The following PCNT variants were observed in gnomAD, a reference collection of about 807,000 sequenced individuals.
PCNT encodes kendrin.
A neutral mutation model predicts 380.4 loss-of-function variants in PCNT; 319 were observed. That is an observed-to-expected ratio of 0.84 (90% CI 0.77 to 0.92). PCNT has a LOEUF of 0.92. Ranked by LOEUF, PCNT falls within the 40% of genes least tolerant of loss-of-function variation. The probability of loss-of-function intolerance (pLI) is 0.00; values close to 1 mark genes in which losing one functional copy is unlikely to be tolerated. For missense variants in PCNT, 4,400 were observed against 4,255.3 expected, an observed-to-expected ratio of 1.03 and a Z score of -0.95; for synonymous variants, 1,845 against 1,735.2, an observed-to-expected ratio of 1.06 and a Z score of -1.57.
At chr21:46,338,821 C>T (rs1031962809) in intron 3 of PCNT, among the ~76,000 whole-genome samples, 6 of 151,916 alleles carry the variant, frequency 3.9e-5, no homozygotes, top group African/African-American at 1.5e-4. Flanking sequence ...CTCTCACTCG[C>T]CCAGCCTAGA....
chr21:46,354,136 C>A, intron 11 of PCNT, 68 bp downstream of exon 11: 1 of 1,329,716 alleles, frequency 7.5e-7, no homozygotes. Flanking sequence ...GCGTCTTCCA[C>A]ATTATAGAGC....
At chr21:46,341,038 C>T (rs1486736525) in intron 3 of PCNT, among the ~76,000 whole-genome samples, 4 of 147,566 alleles carry the variant, frequency 2.7e-5, no homozygotes, top group Non-Finnish European at 4.5e-5. Flanking sequence ...CGTGTGCCAC[C>T]ATATCCGGCT....
At chr21:46,339,815 C>T (rs1160104067) in intron 3 of PCNT, among the ~76,000 whole-genome samples, 1 of 152,180 alleles carries the variant, frequency 6.6e-6, no homozygotes, top group Admixed American at 6.5e-5. Context: ...TGTTAACTAT[C>T]ACACCAGGTA....
intron 2 of PCNT, among the ~76,000 whole-genome samples, chr21:46,329,544 A>G (rs928840855): frequency 1.3e-5 from 2 of 152,200 alleles, no homozygotes; most frequent in East Asian, 3.8e-4. Flanking sequence ...AAAGCAATCT[A>G]TAAATAACAG....
chr21:46,392,700 T>C (rs925019754), intron 21 of PCNT, among the ~76,000 whole-genome samples: 6 of 152,356 alleles, frequency 3.9e-5, no homozygotes, highest in African/African-American at 1.4e-4. Context: ...AGGGGGCGTT[T>C]TCCAGGGTGG....
At position 46,416,227 on chromosome 21, in the gene PCNT, A is replaced by G. The variant is rs375610642; in HGVS notation, c.6309A>G (p.Ala2103=). The change falls in exon 30 of 47, where the codon GCA becomes GCG. Residue 2103 remains alanine, a synonymous_variant. Coordinates refer to ENST00000359568, the MANE Select transcript of PCNT (RefSeq NM_006031.6). ...AATCTCTGTGGCCCATGGCCTCAGC[A>G]CACCTGTTGGAGAGCAGCTGGAGTG... ...DTKSLWPMAS[A]HLLESSWSDD... The G allele has an allele frequency of 2.4e-5, 39 of 1,614,050 alleles. 1 individual carries two copies. The highest frequency in any genetic ancestry group is 3.1e-5 in the Non-Finnish European group (37 of 1,180,038).
chr21:46,346,968 G>A lies in PCNT; in HGVS notation c.946G>A (p.Glu316Lys). 6.3e-7 allele frequency: 1 copy of A among 1,596,752 alleles called. No homozygotes were observed. Among genetic ancestry groups the A allele is most frequent in the African/African-American group, 1.3e-5 (1 of 74,978 alleles). The stretch of plus-strand genomic sequence containing the variant: ...GGAGCAGCACGCACGGGAGAAGGAG[G>A]AGGTGGTGCTCAGGTGTGGACAGGA... ...LREQHAREKE[E>K]VVLRCGQEAA... Residue 316 changes from glutamate to lysine, a missense_variant, in exon 5 of 47, where the codon GAG becomes AAG. Glu to Lys is a moderately conservative substitution (Grantham distance 56). Coordinates refer to ENST00000359568, the MANE Select transcript of PCNT (RefSeq NM_006031.6).
chr21:46,344,419 G>A (rs1394873037), intron 3 of PCNT, among the ~76,000 whole-genome samples: 3 of 152,174 alleles, frequency 2.0e-5, no homozygotes, highest in Admixed American at 6.5e-5. Flanking sequence ...TCATGTGGCC[G>A]CCCACCCTGG....
At chr21:46,427,571 A>G in intron 33 of PCNT, 51 bp from the exon 34 acceptor site, 2 of 1,610,016 alleles carry the variant, frequency 1.2e-6, no homozygotes, top group East Asian at 2.2e-5. Flanking sequence ...TTAGGGCACA[A>G]GGATGCAGGT....
At chr21:46,395,985 A>G (rs181973233) in intron 21 of PCNT, among the ~76,000 whole-genome samples, 40 of 148,758 alleles carry the variant, frequency 2.7e-4, no homozygotes, top group Non-Finnish European at 5.2e-4. Flanking sequence ...CTCAGAAATA[A>G]TAGTAATAAA....
rs774154341 is a variant in PCNT, at chr21:46,416,339, G to A, written c.6421G>A (p.Val2141Ile). 20 of 1,613,678 alleles carry A rather than the reference G, an allele frequency of 1.2e-5. No homozygotes were observed. The highest frequency in any genetic ancestry group is 1.7e-5 in the Non-Finnish European group (20 of 1,179,832). The part of the protein sequence containing the change: ...ANTATGGVTD[V>I]IKNQAIDACD... Reference sequence around the variant, plus strand: ...TACAGCCACGGGGGGTGTAACTGATGTTATCAAAAATCAGGCCATAGACGC... The same window carrying A: ...TACAGCCACGGGGGGTGTAACTGATATTATCAAAAATCAGGCCATAGACGC... Residue 2141 changes from valine (V) to isoleucine (I), a missense_variant, in exon 30 of 47, where the codon GTT (valine) becomes ATT (isoleucine). Physicochemically the swap from Val to Ile is conservative, Grantham distance 29 (BLOSUM62 3). Transcript: ENST00000359568.
Position 46,399,603 on chromosome 21 carries a change from A to G in PCNT, c.4598A>G (p.Gln1533Arg), listed in dbSNP as rs2147456500. 3 of 1,612,894 alleles carry G rather than the reference A, an allele frequency of 1.9e-6. No individual in the cohort carries two copies. The highest frequency in any genetic ancestry group is 2.7e-5 in the African/African-American group (2 of 75,042). ...TTGTTGTTTTAGGTTGAGTTGTTAC[A>G]ACAAAAGTTGAGAGAAAAGTTGGAT... ...APLDGEVELL[Q>R]QKLREKLDEF... Residue 1533 changes from glutamine to arginine, a missense_variant, in exon 25 of 47, where the codon CAA (glutamine) becomes CGA (arginine). Transcript: ENST00000359568.
intron 3 of PCNT, among the ~76,000 whole-genome samples, chr21:46,335,834 C>T (rs1385808166): frequency 6.7e-6 from 1 of 149,938 alleles, no homozygotes; most frequent in African/African-American, 2.5e-5. Flanking sequence ...TATAAGCACC[C>T]ACCACCATGC....
chr21:46,330,862 G>A (rs1223809158), intron 2 of PCNT, among the ~76,000 whole-genome samples: 3 of 152,172 alleles, frequency 2.0e-5, no homozygotes, highest in Non-Finnish European at 4.4e-5. Context: ...ATGCTGCGTC[G>A]GAGATCAGGA....
intron 14 of PCNT, 21 bp from the exon 15 acceptor site, chr21:46,366,563 G>T (rs761565449): frequency 6.2e-7 from 1 of 1,606,528 alleles, no homozygotes. Context: ...TAACTGTCCT[G>T]TGTTCACTTT....
chr21:46,409,788 T>C (rs2086727565), intron 27 of PCNT, among the ~76,000 whole-genome samples: 1 of 151,974 alleles, frequency 6.6e-6, no homozygotes, highest in African/African-American at 2.4e-5. Flanking sequence ...GAGACCAGGG[T>C]GCACCGTGTC....
chr21:46,401,828 C>A, intron 26 of PCNT, 107 bp downstream of exon 26: 1 of 1,031,472 alleles, frequency 9.7e-7, no homozygotes, highest in Non-Finnish European at 1.5e-6. Flanking sequence ...GGCTTGTGAC[C>A]ACTGTGTATT....
At chr21:46,338,419 G>A (rs1042303539) in intron 3 of PCNT, among the ~76,000 whole-genome samples, 4 of 152,088 alleles carry the variant, frequency 2.6e-5, no homozygotes, top group African/African-American at 7.2e-5. Flanking sequence ...TTTGGGTCCA[G>A]GTTTTTAAAT....
At chr21:46,331,986 C>G (rs548983945) in intron 2 of PCNT, among the ~76,000 whole-genome samples, 1 of 152,054 alleles carries the variant, frequency 6.6e-6, no homozygotes, top group Non-Finnish European at 1.5e-5. Flanking sequence ...GTGGTGAAAC[C>G]CCATCTCTAC....
Sources: allele counts gnomAD v4.1 joint callset (sites outside exome capture counted in the v4.1 genomes callset), GRCh38; gene constraint gnomAD v4.1.1; transcripts MANE v1.5; gene names NCBI Gene and HGNC (gene_info 2026-07-23, HGNC 2026-07-21).